Variants in APBB1IP observed in about 807,000 individuals in gnomAD.
APBB1IP encodes amyloid beta A4 precursor protein-binding family B member 1-interacting protein.
In APBB1IP, 27 loss-of-function variants were observed where a neutral mutation model predicts 64.9. That is an observed-to-expected ratio of 0.42 (90% CI 0.31 to 0.57). The LOEUF (loss-of-function observed/expected upper bound fraction) is 0.57, where lower values mean the gene tolerates loss of function less well. Among genes scored for constraint, APBB1IP ranks in the 20% least tolerant of loss-of-function variants. The pLI, the probability that APBB1IP is intolerant of heterozygous loss-of-function variation, is 0.20. For missense variants in APBB1IP, 812 were observed against 845.5 expected, an observed-to-expected ratio of 0.96 and a Z score of 0.49; for synonymous variants, 392 against 331.0, an observed-to-expected ratio of 1.18 and a Z score of -2.00.
At chr10:26,444,839 C>T (rs1367244482) in intron 2 of APBB1IP, among the ~76,000 whole-genome samples, 1 of 152,108 alleles carries the variant, frequency 6.6e-6, no homozygotes, top group East Asian at 1.9e-4. Context: ...TGGCTCACGC[C>T]TGTAATCCCA....
chr10:26,496,819 AATAT>A (rs1269392905), intron 4 of APBB1IP, among the ~76,000 whole-genome samples: 6 of 150,902 alleles, frequency 4.0e-5, no homozygotes, highest in Non-Finnish European at 7.4e-5. Flanking sequence ...ATTTATATAT[AATAT>A]ATACTTATAT....
At position 26,536,126 on chromosome 10, in the gene APBB1IP, A is replaced by G; in HGVS notation, c.953A>G (p.Tyr318Cys). The change falls in exon 10 of 15, where the codon TAT becomes TGT. Residue 318 changes from tyrosine (Y) to cysteine (C), a missense_variant. Tyr to Cys is a radical substitution (Grantham distance 194). Coordinates refer to ENST00000376236, the MANE Select transcript of APBB1IP (RefSeq NM_019043.4). ...IIVPELEGAL[Y>C]LKEDGKKSWK... ...GTACCAGAACTGGAAGGAGCTCTTT[A>G]TTTGAAAGAAGATGGAAAGAAATCC... The G allele has an allele frequency of 1.2e-6, 2 of 1,607,052 alleles. No homozygotes were observed. The highest frequency in any genetic ancestry group is 1.7e-6 in the Non-Finnish European group (2 of 1,177,470).
At chr10:26,496,267 T>C in intron 3 of APBB1IP, 37 bp from the exon 4 acceptor site, 2 of 1,480,910 alleles carry the variant, frequency 1.4e-6, no homozygotes, top group South Asian at 1.2e-5. Flanking sequence ...AATGTTTGTA[T>C]CATGAATAAC....
At position 26,567,493 on chromosome 10, in the gene APBB1IP, G is replaced by T. The variant is rs1181046452; in HGVS notation, c.*5G>T. On this transcript the variant is annotated 3_prime_UTR_variant, in exon 15 of 15. Transcript: ENST00000376236. ...AAGAGAGGCAACGTGTCCTAGGGAC[G>T]GGCATGATGAGTGTTCCAGAGGGAG... 2.6e-6 allele frequency: 4 copies of T among 1,562,558 alleles called. No individual in the cohort carries two copies. The highest frequency in any genetic ancestry group is 1.4e-5 in the African/African-American group (1 of 73,178).
At chr10:26,540,693 A>T (rs1455266759) in intron 10 of APBB1IP, among the ~76,000 whole-genome samples, 1 of 152,188 alleles carries the variant, frequency 6.6e-6, no homozygotes, top group African/African-American at 2.4e-5. Flanking sequence ...GAAATATAGA[A>T]AGCGAAACAA....
chr10:26,556,919 T>A (rs1240840204), intron 11 of APBB1IP, among the ~76,000 whole-genome samples: 2 of 152,172 alleles, frequency 1.3e-5, no homozygotes, highest in African/African-American at 4.8e-5. Context: ...GAGAGCCGTG[T>A]TTCTGGTGCT....
At chr10:26,462,987 CTG>C (rs1835610388) in intron 2 of APBB1IP, among the ~76,000 whole-genome samples, 1 of 152,192 alleles carries the variant, frequency 6.6e-6, no homozygotes. Context: ...GAGAGGCTGA[CTG>C]TGGCATTCTG....
chr10:26,465,548 A>G (rs1471359301), intron 2 of APBB1IP, among the ~76,000 whole-genome samples: 1 of 152,198 alleles, frequency 6.6e-6, no homozygotes, highest in Non-Finnish European at 1.5e-5. Context: ...TGATGGGTAG[A>G]TACAATGCTC....
intron 11 of APBB1IP, among the ~76,000 whole-genome samples, chr10:26,545,516 T>C (rs1050814227): frequency 1.3e-5 from 2 of 151,878 alleles, no homozygotes; most frequent in Non-Finnish European, 2.9e-5. Flanking sequence ...ATCCCAGCAC[T>C]TTGGGAGGCC....
chr10:26,566,273 G>C (rs749519514), intron 14 of APBB1IP, among the ~76,000 whole-genome samples: 1 of 152,282 alleles, frequency 6.6e-6, no homozygotes, highest in Middle Eastern at 3.4e-3. Flanking sequence ...TATAGAGAGA[G>C]AGACATAGTC....
intron 6 of APBB1IP, among the ~76,000 whole-genome samples, chr10:26,511,261 T>G (rs563331508): frequency 2.0e-5 from 3 of 152,006 alleles, no homozygotes; most frequent in Non-Finnish European, 4.4e-5. Context: ...AGAGAATCAC[T>G]CAAACCCAGG....
At chr10:26,505,682 T>C (rs1836165873) in intron 6 of APBB1IP, among the ~76,000 whole-genome samples, 1 of 152,026 alleles carries the variant, frequency 6.6e-6, no homozygotes, top group Non-Finnish European at 1.5e-5. Context: ...GCAAGGAAAA[T>C]AGACACAGTC....
At chr10:26,562,463 A>T (rs777394719) in intron 14 of APBB1IP, 34 bp downstream of exon 14, 27 of 1,562,108 alleles carry the variant, frequency 1.7e-5, no homozygotes, top group Middle Eastern at 1.7e-4. Flanking sequence ...CCTATAAGCC[A>T]TGTTCTAAAC....
intron 11 of APBB1IP, among the ~76,000 whole-genome samples, chr10:26,559,827 A>G (rs1237085584): frequency 1.3e-5 from 2 of 151,798 alleles, no homozygotes; most frequent in Middle Eastern, 3.2e-3. Flanking sequence ...GATTTTCAGT[A>G]GAGATGGGGT....
intron 11 of APBB1IP, among the ~76,000 whole-genome samples, chr10:26,556,453 T>C (rs1836896142): frequency 6.6e-6 from 1 of 152,200 alleles, no homozygotes; most frequent in South Asian, 2.1e-4. Context: ...TCCTCCTGTA[T>C]ACATCCATAG....
intron 11 of APBB1IP, among the ~76,000 whole-genome samples, chr10:26,552,803 G>C (rs185362536): frequency 0.011 from 1,626 of 152,186 alleles, 23 homozygotes; most frequent in African/African-American, 0.037. Context: ...GAACCACATC[G>C]TCAGCCACTC....
intron 6 of APBB1IP, among the ~76,000 whole-genome samples, chr10:26,507,259 G>A (rs1053313727): frequency 1.3e-5 from 2 of 152,158 alleles, no homozygotes; most frequent in South Asian, 2.1e-4. Context: ...TTGGGAGGCC[G>A]AGGCAGGAGG....
intron 8 of APBB1IP, among the ~76,000 whole-genome samples, chr10:26,530,082 A>G (rs1836529434): frequency 1.3e-5 from 2 of 152,172 alleles, no homozygotes; most frequent in South Asian, 4.1e-4. Context: ...ATATTGGGTC[A>G]CATCTTTTGT....
chr10:26,452,733 C>T (rs1835478657), intron 2 of APBB1IP, among the ~76,000 whole-genome samples: 1 of 150,344 alleles, frequency 6.7e-6, no homozygotes, highest in Non-Finnish European at 1.5e-5. Flanking sequence ...GCATATATTT[C>T]ATCCTGGTGC....
Sources: gnomAD v4.1 joint callset for allele counts (sites outside exome capture counted in the v4.1 genomes callset) on GRCh38, gnomAD v4.1.1 for gene constraint, MANE v1.5 for transcripts, NCBI Gene and HGNC (gene_info 2026-07-23, HGNC 2026-07-21) for gene names.